Variants in GRM7 observed in about 807,000 individuals in gnomAD.
GRM7 encodes glutamate metabotropic receptor 7, also known as metabotropic glutamate receptor 7.
A neutral mutation model predicts 84.5 loss-of-function variants in GRM7; 35 were observed. The observed-to-expected ratio is 0.41, with a 90% CI of 0.32 to 0.55. The LOEUF is 0.55. Ranked by LOEUF, GRM7 falls within the 20% of genes least tolerant of loss-of-function variation. The pLI, the probability that GRM7 is intolerant of heterozygous loss-of-function variation, is 0.19. For synonymous variants in GRM7, 487 were observed against 455.1 expected (o/e 1.07, Z -0.89); for missense variants, 1,003 against 1,194.6 (o/e 0.84, Z 2.36).
intron 1 of GRM7, among the ~76,000 whole-genome samples, chr3:7,072,013 G>T (rs371940921): frequency 6.6e-6 from 1 of 152,052 alleles, no homozygotes. Flanking sequence ...CATGACAATG[G>T]CAAGGAAGCA....
At chr3:7,644,165 T>C (rs1044745502) in intron 8 of GRM7, among the ~76,000 whole-genome samples, 2 of 143,850 alleles carry the variant, frequency 1.4e-5, no homozygotes, top group Non-Finnish European at 3.0e-5. Context: ...TATATATATA[T>C]ATGTCTGTAC....
intron 1 of GRM7, among the ~76,000 whole-genome samples, chr3:6,901,812 C>G (rs185107703): frequency 3.5e-4 from 53 of 151,464 alleles, no homozygotes; most frequent in Non-Finnish European, 5.6e-4. Context: ...TAGCTTTAAT[C>G]TTTTTTGCTT....
chr3:7,289,777 A>T (rs1466382103), intron 2 of GRM7, among the ~76,000 whole-genome samples: 1 of 148,664 alleles, frequency 6.7e-6, no homozygotes, highest in East Asian at 2.1e-4. Flanking sequence ...CAAACACCAC[A>T]TGTTCTCACT....
intron 1 of GRM7, among the ~76,000 whole-genome samples, chr3:6,950,771 C>G (rs1356027415): frequency 6.6e-6 from 1 of 152,244 alleles, no homozygotes; most frequent in African/African-American, 2.4e-5. Context: ...GCCCCTCCCC[C>G]AGCCTTGCTG....
At chr3:6,957,818 C>A (rs1450151849) in intron 1 of GRM7, among the ~76,000 whole-genome samples, 1 of 152,100 alleles carries the variant, frequency 6.6e-6, no homozygotes, top group Non-Finnish European at 1.5e-5. Context: ...TATTTCTGGT[C>A]GACTTGGAGT....
chr3:7,040,203 C>T (rs764089837), intron 1 of GRM7, among the ~76,000 whole-genome samples: 18 of 152,180 alleles, frequency 1.2e-4, no homozygotes, highest in Non-Finnish European at 2.2e-4. Context: ...AGCGTCTCTA[C>T]AACATAGCTG....
intron 1 of GRM7, among the ~76,000 whole-genome samples, chr3:6,899,933 G>C (rs959161421): frequency 6.6e-6 from 1 of 152,124 alleles, no homozygotes; most frequent in Non-Finnish European, 1.5e-5. Context: ...TCTCAAGTCA[G>C]TATCTTTACA....
At chr3:7,307,423 T>C (rs1041256021) in intron 4 of GRM7, among the ~76,000 whole-genome samples, 4 of 152,214 alleles carry the variant, frequency 2.6e-5, no homozygotes, top group African/African-American at 9.6e-5. Context: ...CTCCAAAGAT[T>C]CTCTAAAACA....
Position 7,661,815 on chromosome 3 carries a change from AAAAAAT to A in GRM7, c.2452-18233_2452-18228del, listed in dbSNP as rs1466040320. On this transcript the variant is annotated intron_variant, in intron 8 of 9. Transcript: ENST00000357716. ...GTCTCAAAAAAAAAAAAAAAAAAAA[AAAAAAT>A]GTAAAATGCTACTATCAGTTTGGAA... is the stretch of plus-strand genomic sequence containing the variant. 8.3e-5 allele frequency among the ~76,000 whole-genome samples: 12 copies of A among 144,920 alleles called. No homozygotes were observed. In the East Asian group the frequency reaches 2.4e-3, roughly 29 times the overall value.
intron 7 of GRM7, among the ~76,000 whole-genome samples, chr3:7,538,604 G>A (rs1176481957): frequency 6.6e-6 from 1 of 152,158 alleles, no homozygotes; most frequent in Admixed American, 6.5e-5. Context: ...GATGTTGGCA[G>A]TTTTAAAATA....
intron 8 of GRM7, among the ~76,000 whole-genome samples, chr3:7,627,199 G>A (rs1188075052): frequency 6.6e-6 from 1 of 152,094 alleles, no homozygotes; most frequent in Non-Finnish European, 1.5e-5. Context: ...ATCACTTTGA[G>A]TTTACAAATA....
chr3:7,278,331 A>G (rs1030125059), intron 2 of GRM7, among the ~76,000 whole-genome samples: 23 of 152,054 alleles, frequency 1.5e-4, no homozygotes, highest in Middle Eastern at 3.2e-3. Context: ...TAAAAAATTA[A>G]GAAAACCCAA....
intron 1 of GRM7, among the ~76,000 whole-genome samples, chr3:7,017,732 C>T (rs1308114770): frequency 6.6e-6 from 1 of 152,184 alleles, no homozygotes; most frequent in Non-Finnish European, 1.5e-5. Context: ...TCCTCACAAG[C>T]TTTTAAAAAG....
At chr3:7,004,109 G>T (rs970628538) in intron 1 of GRM7, among the ~76,000 whole-genome samples, 1 of 152,138 alleles carries the variant, frequency 6.6e-6, no homozygotes, top group African/African-American at 2.4e-5. Context: ...AAGCTGCATG[G>T]TCTTTAATTA....
intron 1 of GRM7, among the ~76,000 whole-genome samples, chr3:7,045,558 G>A (rs533649605): frequency 6.9e-4 from 105 of 152,150 alleles, no homozygotes; most frequent in African/African-American, 2.2e-3. Flanking sequence ...CCAAACCTCC[G>A]ATAAGCACCA....
chr3:7,420,649 A>G (rs957891337), intron 5 of GRM7, among the ~76,000 whole-genome samples: 4 of 152,112 alleles, frequency 2.6e-5, no homozygotes, highest in Non-Finnish European at 4.4e-5. Context: ...TCTTGCTTCC[A>G]TCACCCTTAA....
At chr3:7,648,369 G>A (rs753005714) in intron 8 of GRM7, among the ~76,000 whole-genome samples, 15 of 151,846 alleles carry the variant, frequency 9.9e-5, no homozygotes, top group Admixed American at 2.6e-4. Flanking sequence ...GATCAAGGCC[G>A]GGTGCAGTGG....
chr3:7,114,581 G>A (rs1043661448), intron 1 of GRM7, among the ~76,000 whole-genome samples: 1 of 152,104 alleles, frequency 6.6e-6, no homozygotes, highest in African/African-American at 2.4e-5. Flanking sequence ...GATCAATAAA[G>A]CTAATTAATC....
In GRM7 at chr3:6,915,031, A is replaced by G. The variant is rs147803581; in HGVS notation, c.519+53124A>G. On this transcript the variant is annotated intron_variant, in intron 1 of 9. Coordinates refer to ENST00000357716, the MANE Select transcript of GRM7 (RefSeq NM_000844.4). ...GATGTATGCATTTGCTTCAAGACTT[A>G]TTCCTTATTGCTCCAGGACTAAATA... Among the ~76,000 whole-genome samples, 45 of 152,308 alleles carry G rather than the reference A, an allele frequency of 3.0e-4. 2 individuals carry two copies. The highest frequency in any genetic ancestry group is 3.4e-3 in the Middle Eastern group (1 of 294).
Sources: allele counts gnomAD v4.1 joint callset (sites outside exome capture counted in the v4.1 genomes callset), GRCh38; gene constraint gnomAD v4.1.1; transcripts MANE v1.5; gene names NCBI Gene and HGNC (gene_info 2026-07-23, HGNC 2026-07-21).